The following PDZRN3 variants were observed in gnomAD, a reference collection of about 807,000 sequenced individuals.
PDZRN3 encodes the protein PDZ domain containing ring finger 3, also known as E3 ubiquitin-protein ligase PDZRN3.
Under a neutral mutation model 85.7 loss-of-function variants are expected in PDZRN3, and 38 were observed. That is an observed-to-expected ratio of 0.44 (90% CI 0.34 to 0.58). The LOEUF is 0.58. Ranked by LOEUF, PDZRN3 falls within the 20% of genes least tolerant of loss-of-function variation. The probability of loss-of-function intolerance (pLI) is 0.01; values close to 1 mark genes in which losing one functional copy is unlikely to be tolerated. For missense variants in PDZRN3, 1,629 were observed against 1,506.4 expected (o/e 1.08, Z -1.35); for synonymous variants, 759 against 638.0 (o/e 1.19, Z -2.86).
chr3:73,558,948 G>A lies in PDZRN3; in HGVS notation c.918+43406C>T, dbSNP rs183670547. Among the ~76,000 whole-genome samples, 10 of 152,304 alleles carry A rather than the reference G, an allele frequency of 6.6e-5. No homozygotes were observed. The East Asian group carries it at 1.9e-3, about 29-fold the overall frequency. Reference sequence around the variant, plus strand: ...CTGCTCTGTTTGGCAAGCTGTGGGAGGCTTCAAGTTTACCCAAGAACTATT... The same window carrying A: ...CTGCTCTGTTTGGCAAGCTGTGGGAAGCTTCAAGTTTACCCAAGAACTATT... On this transcript the variant is annotated intron_variant, in intron 3 of 9. Transcript: ENST00000263666.
chr3:73,568,313 T>C (rs541416330), intron 3 of PDZRN3, among the ~76,000 whole-genome samples: 2 of 152,314 alleles, frequency 1.3e-5, no homozygotes, highest in African/African-American at 4.8e-5. Context: ...CCTATAGTTA[T>C]GTGCCTTTAT....
In PDZRN3 at chr3:73,416,114, T is replaced by C. The variant is rs1702076950; in HGVS notation, c.919-11719A>G. 5.9e-5 allele frequency among the ~76,000 whole-genome samples: 9 copies of C among 152,142 alleles called. No individual in the cohort carries two copies. The South Asian group carries it at 1.9e-3, about 32-fold the overall frequency. On this transcript the variant is annotated intron_variant, in intron 3 of 9. Coordinates refer to ENST00000263666, the MANE Select transcript of PDZRN3 (RefSeq NM_015009.3). ...TGTTTGTACCTTAGAGACATGATCA[T>C]GGGAGTTGGCTGCTGTGTGAAGAAG...
intron 3 of PDZRN3, among the ~76,000 whole-genome samples, chr3:73,408,594 G>GT (rs1266497955): frequency 6.6e-6 from 1 of 151,826 alleles, no homozygotes; most frequent in Non-Finnish European, 1.5e-5. Context: ...GAGGAGGGGG[G>GT]GGGGTGCAAC....
chr3:73,405,546 T>G (rs1701835931), intron 3 of PDZRN3, among the ~76,000 whole-genome samples: 1 of 152,222 alleles, frequency 6.6e-6, no homozygotes, highest in Non-Finnish European at 1.5e-5. Context: ...AAAATGATGG[T>G]ATAGGAATCA....
chr3:73,472,744 G>T (rs1305949390), intron 3 of PDZRN3, among the ~76,000 whole-genome samples: 1 of 152,152 alleles, frequency 6.6e-6, no homozygotes, highest in Non-Finnish European at 1.5e-5. Context: ...GCAACTTAAT[G>T]ATTACATCAT....
chr3:73,414,267 A>T (rs1702032559), intron 3 of PDZRN3, among the ~76,000 whole-genome samples: 1 of 152,200 alleles, frequency 6.6e-6, no homozygotes, highest in African/African-American at 2.4e-5. Flanking sequence ...TTATTACAAG[A>T]CTATGAAAAT....
intron 3 of PDZRN3, among the ~76,000 whole-genome samples, chr3:73,530,382 C>G (rs1704624965): frequency 6.6e-6 from 1 of 152,196 alleles, no homozygotes; most frequent in South Asian, 2.1e-4. Context: ...AAATCCTTCA[C>G]AGAAATGGAC....
intron 3 of PDZRN3, among the ~76,000 whole-genome samples, chr3:73,582,958 ACATTTTTTG>A (rs1254611892): frequency 6.6e-6 from 1 of 152,164 alleles, no homozygotes; most frequent in African/African-American, 2.4e-5. Flanking sequence ...ATATAGCCTT[ACATTTTTTG>A]CATTTTTTGG....
intron 3 of PDZRN3, among the ~76,000 whole-genome samples, chr3:73,574,310 C>G (rs919835669): frequency 6.6e-6 from 1 of 152,162 alleles, no homozygotes; most frequent in Admixed American, 6.5e-5. Context: ...AGGATAAAAC[C>G]AAACTGAGTA....
intron 3 of PDZRN3, among the ~76,000 whole-genome samples, chr3:73,439,949 G>A (rs1702601125): frequency 6.6e-6 from 1 of 152,052 alleles, no homozygotes; most frequent in Non-Finnish European, 1.5e-5. Context: ...TATTGGCCAG[G>A]CTGGTCTTGA....
chr3:73,523,456 T>TAC (rs201399832), intron 3 of PDZRN3, among the ~76,000 whole-genome samples: 93 of 151,870 alleles, frequency 6.1e-4, no homozygotes, highest in Admixed American at 1.2e-3. Context: ...GCAATAGCTA[T>TAC]ATATATATAT....
intron 5 of PDZRN3, among the ~76,000 whole-genome samples, chr3:73,395,951 A>G (rs72890641): frequency 0.078 from 11,855 of 152,254 alleles, 713 homozygotes; most frequent in African/African-American, 0.18. Flanking sequence ...GGCCGGGTGC[A>G]GTGGCTCATA....
At chr3:73,492,388 T>G (rs1352222725) in intron 3 of PDZRN3, among the ~76,000 whole-genome samples, 1 of 152,196 alleles carries the variant, frequency 6.6e-6, no homozygotes, top group African/African-American at 2.4e-5. Context: ...TCATTCCCTC[T>G]TGTCCTTTGC....
Position 73,388,216 on chromosome 3 carries a change from C to T in PDZRN3, c.1417-147G>A, listed in dbSNP as rs531925626. 29 of 542,088 alleles carry T rather than the reference C, an allele frequency of 5.3e-5. No individual in the cohort carries two copies. In the South Asian group the frequency reaches 7.7e-4, roughly 14 times the overall value. 33.6% of individuals were successfully genotyped at this position (542,088 alleles called of 1,614,324 possible). A position where few individuals can be genotyped will look rare whatever the true frequency, so the allele number is the denominator to read the frequency against. ...ACTTCCGTGTAGCTGGAAAAGAATA[C>T]TGATGTTAGGAAGGAAAGGTCTTGC... On this transcript the variant is annotated intron_variant, in intron 7 of 9. Transcript: ENST00000263666.
In PDZRN3 at chr3:73,546,078, T is replaced by C. The variant is rs150917057; in HGVS notation, c.918+56276A>G. 3.3e-3 allele frequency among the ~76,000 whole-genome samples: 499 copies of C among 152,260 alleles called. 1 individual carries two copies. Among genetic ancestry groups the C allele is most frequent in the African/African-American group, 0.012 (480 of 41,542 alleles). ...TGGGCCTCCTGTGTCTTATTCTGTA[T>C]ACTGTGTCCGCAGTATACAGAATAA... On this transcript the variant is annotated intron_variant, in intron 3 of 9. Transcript: ENST00000263666.
intron 3 of PDZRN3, among the ~76,000 whole-genome samples, chr3:73,507,205 G>A (rs563413779): frequency 6.6e-6 from 1 of 151,692 alleles, no homozygotes; most frequent in Non-Finnish European, 1.5e-5. Flanking sequence ...TCTCGCTCTT[G>A]TCCCCCAAGC....
rs183937367 is a variant in PDZRN3, at chr3:73,521,062, T to C, written c.918+81292A>G. Among the ~76,000 whole-genome samples the C allele has an allele frequency of 1.1e-4, 17 of 152,274 alleles. No individual in the cohort carries two copies. In the East Asian group the frequency reaches 3.3e-3, roughly 29 times the overall value. ...GGAATACAACCAAAGACTCTTGGCA[T>C]GGCAGAGCCCAGGATTTAATTCAAG... On this transcript the variant is annotated intron_variant, in intron 3 of 9. Transcript: ENST00000263666.
intron 5 of PDZRN3, among the ~76,000 whole-genome samples, chr3:73,395,206 C>T (rs570338235): frequency 6.6e-6 from 1 of 152,324 alleles, no homozygotes; most frequent in African/African-American, 2.4e-5. Flanking sequence ...ATTCCTCAAA[C>T]TTACTGGGTG....
chr3:73,496,187 G>A (rs934029912), intron 3 of PDZRN3, among the ~76,000 whole-genome samples: 1 of 151,858 alleles, frequency 6.6e-6, no homozygotes. Flanking sequence ...ACAGTACAAA[G>A]AATAAAAAAT....
Sources: allele counts gnomAD v4.1 joint callset (sites outside exome capture counted in the v4.1 genomes callset), GRCh38; gene constraint gnomAD v4.1.1; transcripts MANE v1.5; gene names NCBI Gene and HGNC (gene_info 2026-07-23, HGNC 2026-07-21).